The following METRNL variants were observed in gnomAD, a reference collection of about 807,000 sequenced individuals.
The protein encoded by METRNL is meteorin-like protein.
METRNL carries 9 observed loss-of-function variants against 17.4 expected under a neutral mutation model. The ratio of observed to expected loss-of-function variants is 0.52; its 90% CI spans 0.31 to 0.90. The LOEUF is 0.90. METRNL is among the 40% of genes least tolerant of loss of function. The pLI, the probability that METRNL is intolerant of heterozygous loss-of-function variation, is 0.05. For synonymous variants in METRNL, 215 were observed against 199.3 expected, an observed-to-expected ratio of 1.08 and a Z score of -0.66; for missense variants, 408 against 430.7, an observed-to-expected ratio of 0.95 and a Z score of 0.47.
Position 83,085,262 on chromosome 17 carries a change from C to T in METRNL, c.495C>T (p.Thr165=), listed in dbSNP as rs1368909522. ...ATPQQDIGRR[T]TGFQYELVRR... is the part of the protein sequence containing the mutation. ...CGCAGCAGGATATCGGCCGGAGGAC[C>T]ACAGGCTTCCAGTACGAGCTGGTTA... The change falls in exon 2 of 4, where the codon ACC becomes ACT. Residue 165 remains threonine, a synonymous_variant. Coordinates refer to ENST00000320095, the MANE Select transcript of METRNL (RefSeq NM_001004431.3). 1.3e-6 allele frequency: 2 copies of T among 1,563,914 alleles called. No homozygotes were observed. Among genetic ancestry groups the T allele is most frequent in the Admixed American group, 1.8e-5 (1 of 55,046 alleles).
chr17:83,092,982 C>T (rs1254211106), intron 2 of METRNL, among the ~76,000 whole-genome samples, 185 bp from the exon 3 acceptor site: 1 of 152,162 alleles, frequency 6.6e-6, no homozygotes, highest in African/African-American at 2.4e-5. Context: ...GTCTCCCGTG[C>T]TGCCGGCCCC....
rs7502145 is a variant in METRNL at position 83,090,856 on chromosome 17, G to T, written c.557-2311G>T. ...CCAGTGCTCCCTCCTTGTTGCTTCC[G>T]GACGTGAGTGGTGGTCTGTGCTGCT... is the stretch of plus-strand genomic sequence containing the variant. On this transcript the variant is annotated intron_variant, in intron 2 of 3. Transcript: ENST00000320095. Among the ~76,000 whole-genome samples the T allele has an allele frequency of 3.3e-5, 5 of 151,996 alleles. No homozygotes were observed. In the East Asian group the frequency reaches 9.8e-4, roughly 30 times the overall value.
At chr17:83,093,085 T>G (rs375180954) in intron 2 of METRNL, 82 bp from the exon 3 acceptor site, 622 of 1,171,184 alleles carry the variant, frequency 5.3e-4, no homozygotes, top group Non-Finnish European at 7.1e-4. Flanking sequence ...TTGCTGAGTG[T>G]GAGGATCCTT....
intron 1 of METRNL, among the ~76,000 whole-genome samples, chr17:83,083,475 C>T (rs905011766): frequency 1.3e-5 from 2 of 152,200 alleles, no homozygotes; most frequent in African/African-American, 4.8e-5. Context: ...AGCCACTCAC[C>T]GAGTCCAGTT....
chr17:83,093,753 C>T (rs553634482), intron 3 of METRNL, among the ~76,000 whole-genome samples: 1 of 152,250 alleles, frequency 6.6e-6, no homozygotes, highest in African/African-American at 2.4e-5. Flanking sequence ...GGCCTCCCGT[C>T]GTGTGGTGCC....
Position 83,093,208 on chromosome 17 carries a change from G to T in METRNL, c.598G>T (p.Val200Phe). 1 of 1,608,224 alleles carries T rather than the reference G, an allele frequency of 6.2e-7. No individual in the cohort carries two copies. ...CAGTGACACCGAGGTGCTCCTAGCCGTCTGCACCAGCGACTTCGGTGAGTG... is the reference window on the plus strand; with the variant it reads ...CAGTGACACCGAGGTGCTCCTAGCCTTCTGCACCAGCGACTTCGGTGAGTG... ...PCSDTEVLLAVCTSDFAVRGS... is the reference protein window; with the variant it reads ...PCSDTEVLLAFCTSDFAVRGS... The change falls in exon 3 of 4, where the codon GTC (valine) becomes TTC (phenylalanine). Residue 200 changes from valine (V) to phenylalanine (F), a missense_variant. By Grantham distance (50) the Val-to-Phe change is conservative. Coordinates refer to ENST00000320095, the MANE Select transcript of METRNL (RefSeq NM_001004431.3).
At chr17:83,083,521 A>G (rs751044410) in intron 1 of METRNL, among the ~76,000 whole-genome samples, 1 of 152,024 alleles carries the variant, frequency 6.6e-6, no homozygotes, top group Non-Finnish European at 1.5e-5. Context: ...TTGCCCACAC[A>G]CGTGTTAGAT....
intron 2 of METRNL, chr17:83,092,313 C>G (rs992797594): frequency 1.3e-5 from 2 of 152,324 alleles, no homozygotes; most frequent in African/African-American, 4.8e-5. Flanking sequence ...CGCGTCGCTG[C>G]CTGCTTAGGG....
chr17:83,090,461 ACCCCCCGCCC>A (rs1600491786), intron 2 of METRNL, among the ~76,000 whole-genome samples: 422 of 1,010 alleles, frequency 0.42, 195 homozygotes, highest in South Asian at 0.58. Flanking sequence ...CCACACACAC[ACCCCCCGCCC>A]CACACACACA....
chr17:83,082,987 G>A (rs1053035370), intron 1 of METRNL, among the ~76,000 whole-genome samples: 12 of 152,262 alleles, frequency 7.9e-5, no homozygotes, highest in Admixed American at 4.6e-4. Context: ...GTGCAGACCC[G>A]TCTGAGTGCG....
intron 2 of METRNL, among the ~76,000 whole-genome samples, chr17:83,088,652 C>T (rs1020245631): frequency 1.3e-4 from 19 of 151,482 alleles, no homozygotes; most frequent in African/African-American, 3.6e-4. Flanking sequence ...CACGTGGTGC[C>T]GTCCCTGGCT....
intron 2 of METRNL, among the ~76,000 whole-genome samples, chr17:83,086,379 C>T (rs931065519): frequency 2.0e-5 from 3 of 152,204 alleles, no homozygotes; most frequent in Admixed American, 1.3e-4. Flanking sequence ...CCTCAGCACC[C>T]GCAGGGCTGG....
At chr17:83,083,414 A>G (rs529524030) in intron 1 of METRNL, among the ~76,000 whole-genome samples, 4 of 152,326 alleles carry the variant, frequency 2.6e-5, no homozygotes, top group Non-Finnish European at 4.4e-5. Context: ...GGAGGGAGAG[A>G]CGTGACGATG....
At chr17:83,085,401 T>C in intron 2 of METRNL, 78 bp downstream of exon 2, 2 of 1,475,676 alleles carry the variant, frequency 1.4e-6, no homozygotes, top group Non-Finnish European at 1.8e-6. Flanking sequence ...CTCTGATTTC[T>C]TCCTGTCCCC....
In METRNL at chr17:83,087,743, G is replaced by A. The variant is rs528613946; in HGVS notation, c.556+2420G>A. ...TGCACTTGCTGTAGCTGCGAGAGCC[G>A]ACGGAGGCTGAGCCGGGCAGCGCCA... On this transcript the variant is annotated intron_variant, in intron 2 of 3. Transcript: ENST00000320095. Among the ~76,000 whole-genome samples, 289 of 152,190 alleles carry A rather than the reference G, an allele frequency of 1.9e-3. 2 individuals are homozygous for A. In the South Asian group the frequency reaches 0.049, roughly 26 times the overall value.
At chr17:83,092,111 C>G (rs182120860) in intron 2 of METRNL, among the ~76,000 whole-genome samples, 1 of 152,336 alleles carries the variant, frequency 6.6e-6, no homozygotes, top group Admixed American at 6.5e-5. Flanking sequence ...TCCGCATTCT[C>G]TGGGGGAGGC....
intron 1 of METRNL, 160 bp from the exon 2 acceptor site, chr17:83,084,778 C>T: frequency 1.1e-6 from 1 of 887,594 alleles, no homozygotes. Flanking sequence ...GCCGGCCTGC[C>T]TCACGGGCAG....
At chr17:83,082,355 T>A in intron 1 of METRNL, 1 of 619,526 alleles carries the variant, frequency 1.6e-6, no homozygotes, top group Non-Finnish European at 2.0e-6. Flanking sequence ...TCAACAACCC[T>A]CCAGTGCACC....
chr17:83,088,768 G>A (rs7220522), intron 2 of METRNL, among the ~76,000 whole-genome samples: 76,277 of 151,152 alleles, frequency 0.5, 19,846 homozygotes, highest in East Asian at 0.74. Context: ...CTCGGCGGGC[G>A]CAGAGCCCCT....
Sources: allele counts gnomAD v4.1 joint callset (sites outside exome capture counted in the v4.1 genomes callset), GRCh38; gene constraint gnomAD v4.1.1; transcripts MANE v1.5; gene names NCBI Gene and HGNC (gene_info 2026-07-23, HGNC 2026-07-21).